The following TNK2 variants were observed in gnomAD, a reference collection of about 807,000 sequenced individuals.
TNK2 encodes activated CDC42 kinase 1.
TNK2 carries 83 observed loss-of-function variants against 101.8 expected under a neutral mutation model. The ratio of observed to expected loss-of-function variants is 0.82; its 90% confidence interval spans 0.68 to 0.98. The LOEUF (loss-of-function observed/expected upper bound fraction) is 0.98, where lower values mean the gene tolerates loss of function less well. TNK2 is among the 50% of genes least tolerant of loss of function. The pLI, the probability that TNK2 is intolerant of heterozygous loss-of-function variation, is 0.00. For synonymous variants in TNK2, 804 were observed against 633.0 expected, an observed-to-expected ratio of 1.27 and a Z score of -4.06; for missense variants, 1,665 against 1,483.2, an observed-to-expected ratio of 1.12 and a Z score of -2.01.
rs1488020853 is a variant in TNK2 at position 195,863,455 on chromosome 3, A to G, written c.*726T>C. The G allele has an allele frequency of 6.5e-6, 1 of 152,846 alleles. No individual in the cohort carries two copies. The highest frequency in any genetic ancestry group is 1.5e-5 in the Non-Finnish European group (1 of 68,120). The allele number at this position is 152,846 out of a possible 1,614,324, so 9.5% of individuals were successfully genotyped here. A position where few individuals can be genotyped will look rare whatever the true frequency, so the allele number is the denominator to read the frequency against. On this transcript the variant is annotated 3_prime_UTR_variant, in exon 16 of 16. Coordinates refer to ENST00000672887, the MANE Select transcript of TNK2 (RefSeq NM_001382273.1). ...TTCGCCAACAGGCTGGTGGGAAAAC[A>G]TGGAACCGCGTGGGGGAATTGGGTG...
At position 195,872,206 on chromosome 3, in the gene TNK2, G is replaced by A. The variant is rs988387676; in HGVS notation, c.1451+70C>T. The A allele has an allele frequency of 2.1e-5, 32 of 1,547,388 alleles. No homozygotes were observed. In the African/African-American group the frequency reaches 2.3e-4, roughly 11 times the overall value. On this transcript the variant is annotated intron_variant, in intron 10 of 15. Coordinates refer to ENST00000672887, the MANE Select transcript of TNK2 (RefSeq NM_001382273.1). ...AGGGTGAAGAGCAGATTCCGCCCACGCGTGCCGTGCTGAGGGCCCTGGAGT... is the reference window on the plus strand; with the variant it reads ...AGGGTGAAGAGCAGATTCCGCCCACACGTGCCGTGCTGAGGGCCCTGGAGT...
chr3:195,900,203 G>A (rs1324357553), intron 1 of TNK2, among the ~76,000 whole-genome samples: 1 of 152,090 alleles, frequency 6.6e-6, no homozygotes, highest in East Asian at 1.9e-4. Context: ...GCCACACAGG[G>A]TGATGGGAAG....
In TNK2 at chr3:195,870,711, G is replaced by C. The variant is rs1253505471; in HGVS notation, c.1452-506C>G. On this transcript the variant is annotated intron_variant, in intron 10 of 15. Coordinates refer to ENST00000672887, the MANE Select transcript of TNK2 (RefSeq NM_001382273.1). ...ACCAACTGTCAGTATCTGAGACTTA[G>C]TCACTGGGGCTGATTAAAGCCTGGA... Among the ~76,000 whole-genome samples the C allele has an allele frequency of 3.9e-5, 6 of 152,390 alleles. No homozygotes were observed. The East Asian group carries it at 1.2e-3, about 29-fold the overall frequency.
chr3:195,871,015 G>A (rs1744887394), intron 10 of TNK2, among the ~76,000 whole-genome samples: 1 of 150,080 alleles, frequency 6.7e-6, no homozygotes, highest in East Asian at 2.0e-4. Flanking sequence ...GTTCTGGTGT[G>A]TGGGGGCCCG....
At chr3:195,899,036 CAGTG>C (rs1363208661) in intron 1 of TNK2, among the ~76,000 whole-genome samples, 1 of 152,068 alleles carries the variant, frequency 6.6e-6, no homozygotes, top group Admixed American at 6.6e-5. Flanking sequence ...GCGGAGGTTG[CAGTG>C]AGCCAAGATC....
Position 195,864,101 on chromosome 3 carries a change from G to A in TNK2, c.*80C>T. On this transcript the variant is annotated 3_prime_UTR_variant, in exon 16 of 16. Coordinates refer to ENST00000672887, the MANE Select transcript of TNK2 (RefSeq NM_001382273.1). ...AGCAGCGGGTCCTCCAGGACTGGAT[G>A]GGGGCATCTCCCCACTCCTGGTGGA... 6.3e-7 allele frequency: 1 copy of A among 1,586,078 alleles called. No homozygotes were observed. Among genetic ancestry groups the A allele is most frequent in the Non-Finnish European group, 8.6e-7 (1 of 1,156,468 alleles).
chr3:195,887,964 G>A (rs1007286637), intron 2 of TNK2, among the ~76,000 whole-genome samples: 41 of 150,496 alleles, frequency 2.7e-4, no homozygotes, highest in African/African-American at 8.8e-4. Flanking sequence ...GCGTGTGTGT[G>A]TGTGTGTGTG....
chr3:195,895,020 G>A (rs1760033558), intron 1 of TNK2, among the ~76,000 whole-genome samples: 1 of 152,176 alleles, frequency 6.6e-6, no homozygotes, highest in African/African-American at 2.4e-5. Flanking sequence ...AGCCCAACGG[G>A]CAGCTTTTTG....
Position 195,868,110 on chromosome 3 carries a change from T to G in TNK2, c.2188A>C (p.Met730Leu), listed in dbSNP as rs1410935406. 2 of 1,611,248 alleles carry G rather than the reference T, an allele frequency of 1.2e-6. No homozygotes were observed. Among genetic ancestry groups the G allele is most frequent in the Non-Finnish European group, 1.7e-6 (2 of 1,179,424 alleles). ...CCGGCCGGAGCCTGCAGTTGCCTCA[T>G]GCACTCCTGCTGTAGCGCCTGGAAG... ...EIFQALQQEC[M>L]RQLQAPAGSP... is the part of the protein sequence containing the mutation. Residue 730 changes from methionine (M) to leucine (L), a missense_variant, in exon 13 of 16, where the codon ATG becomes CTG. Physicochemically the swap from Met to Leu is conservative, Grantham distance 15 (BLOSUM62 2). Coordinates refer to ENST00000672887, the MANE Select transcript of TNK2 (RefSeq NM_001382273.1).
At chr3:195,871,953 CT>C (rs58874508) in intron 10 of TNK2, among the ~76,000 whole-genome samples, 17 of 95,978 alleles carry the variant, frequency 1.8e-4, no homozygotes, top group Admixed American at 6.8e-4. Context: ...GAACATTCCC[CT>C]GGAGAACCCT....
At chr3:195,875,327 A>G (rs558502826) in intron 9 of TNK2, among the ~76,000 whole-genome samples, 2 of 25,710 alleles carry the variant, frequency 7.8e-5, no homozygotes, top group Admixed American at 3.6e-4. Flanking sequence ...CCGAGGCACA[A>G]GAAACTCCCC....
At chr3:195,873,958 G>A (rs1747295207) in intron 9 of TNK2, among the ~76,000 whole-genome samples, 1 of 152,284 alleles carries the variant, frequency 6.6e-6, no homozygotes, top group East Asian at 1.9e-4. Flanking sequence ...GGGAAGGAAG[G>A]AGAGAGGACA....
At chr3:195,869,052 C>A in intron 12 of TNK2, 1 of 461,574 alleles carries the variant, frequency 2.2e-6, no homozygotes. Context: ...AGTTAGTGAG[C>A]CCTCATCCCC....
chr3:195,887,851 C>T (rs867940436), intron 2 of TNK2, among the ~76,000 whole-genome samples: 29 of 146,846 alleles, frequency 2.0e-4, no homozygotes, highest in African/African-American at 5.7e-4. Flanking sequence ...TGTGTGTGTG[C>T]GTGTCTGTGT....
chr3:195,870,040 G>A (rs558512193), intron 11 of TNK2, 74 bp downstream of exon 11: 2 of 1,155,250 alleles, frequency 1.7e-6, no homozygotes, highest in Admixed American at 3.0e-5. Flanking sequence ...CAGCCTTAGG[G>A]TGGCCTGTGA....
In TNK2 at chr3:195,867,938, G is replaced by A. The variant is rs202205892; in HGVS notation, c.2360C>T (p.Pro787Leu). 10 of 1,538,844 alleles carry A rather than the reference G, an allele frequency of 6.5e-6. No individual in the cohort carries two copies. The African/African-American group carries it at 1.1e-4, about 17-fold the overall frequency. The change falls in exon 13 of 16, where the codon CCT (proline) becomes CTT (leucine). Residue 787 changes from proline (P) to leucine (L), a missense_variant. By Grantham distance (98) the Pro-to-Leu change is moderately conservative. Around this residue, in one of 3 missense-constraint regions of TNK2, gnomAD observed 1,136 missense variants for 894.9 expected, o/e 1.27. Transcript: ENST00000672887. ...GEEETSQWPG[P>L]ASPPRVPPRE... ...CGGAGGCACCCGGGGAGGGGAAGCAGGTCCAGGCCACTGGCTGGTCTCCTC... is the reference window on the plus strand; with the variant it reads ...CGGAGGCACCCGGGGAGGGGAAGCAAGTCCAGGCCACTGGCTGGTCTCCTC...
chr3:195,892,738 G>A (rs1759084007), intron 1 of TNK2: 1 of 1,356,876 alleles, frequency 7.4e-7, no homozygotes, highest in East Asian at 2.9e-5. Flanking sequence ...CTTCTCTCCA[G>A]GGCAGTGGTC....
At position 195,864,185 on chromosome 3, in the gene TNK2, C is replaced by A; in HGVS notation, c.3164G>T (p.Arg1055Leu). 1.2e-6 allele frequency: 2 copies of A among 1,613,882 alleles called. No individual in the cohort carries two copies. Among genetic ancestry groups the A allele is most frequent in the Non-Finnish European group, 1.7e-6 (2 of 1,179,874 alleles). The change falls in exon 16 of 16, where the codon CGC (arginine) becomes CTC (leucine). Residue 1055 changes from arginine to leucine, a missense_variant and splice_region_variant. By Grantham distance (102) the Arg-to-Leu change is moderately radical. This residue lies in a region of TNK2 where 1,136 missense variants were observed against 894.9 expected (regional missense o/e 1.27). Transcript: ENST00000672887. ...CTCTGGCTCTCCAGACGCATCTCAG[C>A]GCCTAGAGAATGGGAAACCACCAGC... ...LGSWGPAHHK[R>L]
In TNK2 at chr3:195,867,605, T is replaced by A; in HGVS notation, c.2693A>T (p.Glu898Val). 6.3e-7 allele frequency: 1 copy of A among 1,595,980 alleles called. No homozygotes were observed. The highest frequency in any genetic ancestry group is 8.5e-7 in the Non-Finnish European group (1 of 1,178,444). ...QRFLREAQSP[E>V]EPTPLPVPLL... ...AGGCACAGGCAGGGGGGTAGGCTCC[T>A]CGGGGCTCTGGGCCTCACGCAGGAA... The change falls in exon 13 of 16, where the codon GAG becomes GTG. Residue 898 changes from glutamate to valine, a missense_variant. This residue lies in a region of TNK2 where 1,136 missense variants were observed against 894.9 expected (regional missense o/e 1.27). Coordinates refer to ENST00000672887, the MANE Select transcript of TNK2 (RefSeq NM_001382273.1).
Sources: gnomAD v4.1 joint callset for allele counts (sites outside exome capture counted in the v4.1 genomes callset) on GRCh38, gnomAD v4.1.1 for gene constraint, gnomAD v4.1.1 regional missense constraint, MANE v1.5 for transcripts, NCBI Gene and HGNC (gene_info 2026-07-23, HGNC 2026-07-21) for gene names.